PRKCQ: variants seen among roughly 807,000 people sequenced by gnomAD.
The protein encoded by PRKCQ is protein kinase C theta, also known as protein kinase C theta type.
PRKCQ carries 41 observed loss-of-function variants against 91.2 expected under a neutral mutation model. The observed-to-expected ratio is 0.45, with a 90% CI of 0.35 to 0.58. The LOEUF (loss-of-function observed/expected upper bound fraction) is 0.58. Ranked by LOEUF, PRKCQ falls within the 20% of genes least tolerant of loss-of-function variation. The pLI is 0.00. For missense variants in PRKCQ, 673 were observed against 896.5 expected (o/e 0.75, Z 3.18); for synonymous variants, 307 against 316.9 (o/e 0.97, Z 0.33).
At chr10:6,404,583 CTT>C in the PRKCQ span, among the ~76,000 whole-genome samples, 2 of 130,492 alleles carry the variant, frequency 1.5e-5, no homozygotes, top group Non-Finnish European at 3.1e-5. Context: ...CTCTTTCTTT[CTT>C]TCTTTTTTTC....
At chr10:6,511,961 G>A (rs1398007097) in intron 2 of PRKCQ, among the ~76,000 whole-genome samples, 1 of 152,106 alleles carries the variant, frequency 6.6e-6, no homozygotes, top group Non-Finnish European at 1.5e-5. Context: ...AAACACCTGA[G>A]CAACAAACTT....
chr10:6,402,600 C>T, the PRKCQ span, among the ~76,000 whole-genome samples: 6 of 152,132 alleles, frequency 3.9e-5, no homozygotes, highest in African/African-American at 9.7e-5. Context: ...TTTTCTGTTC[C>T]GAGCTTTCTT....
intron 12 of PRKCQ, among the ~76,000 whole-genome samples, chr10:6,467,643 G>T: frequency 6.6e-6 from 1 of 152,156 alleles, no homozygotes; most frequent in East Asian, 1.9e-4. Context: ...ACAACTCCTG[G>T]CAAAGCATCT....
chr10:6,494,986 C>T (rs1321925209), intron 7 of PRKCQ, among the ~76,000 whole-genome samples: 1 of 152,326 alleles, frequency 6.6e-6, no homozygotes, highest in African/African-American at 2.4e-5. Flanking sequence ...ACTGCTCGGC[C>T]TCGGGCAGAA....
intron 13 of PRKCQ, among the ~76,000 whole-genome samples, chr10:6,463,383 C>T (rs375539544): frequency 1.8e-4 from 28 of 152,096 alleles, no homozygotes; most frequent in African/African-American, 6.8e-4. Context: ...AGCGTGGGTC[C>T]GGGCTGGCTG....
intron 1 of PRKCQ, among the ~76,000 whole-genome samples, chr10:6,551,191 T>TC (rs1170438916): frequency 6.6e-6 from 1 of 152,000 alleles, no homozygotes; most frequent in East Asian, 1.9e-4. Context: ...TGTGTGTTGT[T>TC]CCCCTCTTTG....
At chr10:6,524,637 C>T (rs758015487) in intron 1 of PRKCQ, among the ~76,000 whole-genome samples, 2 of 152,240 alleles carry the variant, frequency 1.3e-5, no homozygotes, top group Non-Finnish European at 2.9e-5. Flanking sequence ...CAGGACAGAG[C>T]TCTCACCAAA....
At chr10:6,535,225 T>G (rs1201729978) in intron 1 of PRKCQ, among the ~76,000 whole-genome samples, 1 of 152,162 alleles carries the variant, frequency 6.6e-6, no homozygotes, top group African/African-American at 2.4e-5. Context: ...ATTTGGTAAT[T>G]TAACAAGTCT....
Position 6,516,218 on chromosome 10 carries a change from C to T in PRKCQ, c.-9-1074G>A, listed in dbSNP as rs568921233. 2.6e-5 allele frequency among the ~76,000 whole-genome samples: 4 copies of T among 152,126 alleles called. No homozygotes were observed. The South Asian group carries it at 8.3e-4, about 31-fold the overall frequency. ...CCTGGAGATCTTGGGCCTGTAATAC[C>T]TCATCTAGCTAAGACAAAAGGGATC... On this transcript the variant is annotated intron_variant, in intron 1 of 17. Coordinates refer to ENST00000263125, the MANE Select transcript of PRKCQ (RefSeq NM_006257.5).
intron 12 of PRKCQ, among the ~76,000 whole-genome samples, chr10:6,473,823 A>G (rs1836123696): frequency 6.6e-6 from 1 of 152,222 alleles, no homozygotes; most frequent in Non-Finnish European, 1.5e-5. Context: ...AAATACCAGG[A>G]TGACATACTT....
chr10:6,420,397 G>A, the PRKCQ span, among the ~76,000 whole-genome samples: 399 of 152,242 alleles, frequency 2.6e-3, no homozygotes, highest in African/African-American at 9.2e-3. Flanking sequence ...GGCTGCTGGC[G>A]TTAACTTCTT....
chr10:6,537,989 C>T (rs935106480), intron 1 of PRKCQ, among the ~76,000 whole-genome samples: 6 of 152,208 alleles, frequency 3.9e-5, no homozygotes, highest in South Asian at 2.1e-4. Context: ...AACATCTGGC[C>T]TCCTGCAAAA....
chr10:6,555,380 C>A (rs1840371619), intron 1 of PRKCQ, among the ~76,000 whole-genome samples: 2 of 152,040 alleles, frequency 1.3e-5, no homozygotes, highest in East Asian at 3.8e-4. Flanking sequence ...ACAGGAAAAA[C>A]CACTTATCTT....
intron 1 of PRKCQ, among the ~76,000 whole-genome samples, chr10:6,560,787 C>T (rs961782251): frequency 1.3e-5 from 2 of 152,142 alleles, no homozygotes; most frequent in African/African-American, 4.8e-5. Flanking sequence ...TGTCTGTAAT[C>T]CCAGCGCTTT....
chr10:6,554,054 T>C (rs1282415964), intron 1 of PRKCQ, among the ~76,000 whole-genome samples: 1 of 152,128 alleles, frequency 6.6e-6, no homozygotes, highest in Non-Finnish European at 1.5e-5. Flanking sequence ...GAAAGACTAA[T>C]TCACCTGTTT....
chr10:6,394,778 C>A, the PRKCQ span, among the ~76,000 whole-genome samples: 1 of 142,578 alleles, frequency 7.0e-6, no homozygotes, highest in African/African-American at 2.9e-5. Context: ...ATTTTATAAT[C>A]TATTTTCTCA....
intron 15 of PRKCQ, among the ~76,000 whole-genome samples, chr10:6,442,403 C>G (rs1041568614): frequency 6.6e-6 from 1 of 152,138 alleles, no homozygotes; most frequent in Non-Finnish European, 1.5e-5. Context: ...GATATTGGAC[C>G]TAAGAAAGCT....
intron 4 of PRKCQ, among the ~76,000 whole-genome samples, chr10:6,504,980 G>A (rs981557478): frequency 6.6e-6 from 1 of 150,562 alleles, no homozygotes; most frequent in Non-Finnish European, 1.5e-5. Flanking sequence ...TGCAAGCTCC[G>A]CCTCCCGGGT....
chr10:6,524,406 C>T (rs1839125806), intron 1 of PRKCQ, among the ~76,000 whole-genome samples: 1 of 152,118 alleles, frequency 6.6e-6, no homozygotes, highest in African/African-American at 2.4e-5. Context: ...CTTGGAGGGC[C>T]TGAATTCAAA....
Sources: allele counts gnomAD v4.1 joint callset (sites outside exome capture counted in the v4.1 genomes callset), GRCh38; gene constraint gnomAD v4.1.1; transcripts MANE v1.5; gene names NCBI Gene and HGNC (gene_info 2026-07-23, HGNC 2026-07-21).